The following CRTAP variants were observed in gnomAD, a reference collection of about 807,000 sequenced individuals.
The protein encoded by CRTAP is cartilage associated protein.
CRTAP carries 33 observed loss-of-function variants against 42.7 expected under a neutral mutation model. The ratio of observed to expected loss-of-function variants is 0.77; its 90% CI spans 0.59 to 1.03. The LOEUF (loss-of-function observed/expected upper bound fraction) is 1.03, where lower values mean the gene tolerates loss of function less well. Among genes scored for constraint, CRTAP ranks in the 50% least tolerant of loss-of-function variants. The probability of loss-of-function intolerance (pLI) is 0.00; values close to 1 mark genes in which losing one functional copy is unlikely to be tolerated. For synonymous variants in CRTAP, 243 were observed against 217.7 expected, an observed-to-expected ratio of 1.12 and a Z score of -1.02; for missense variants, 613 against 533.9, an observed-to-expected ratio of 1.15 and a Z score of -1.46.
At chr3:33,122,395 G>A (rs1032336002) in intron 2 of CRTAP, among the ~76,000 whole-genome samples, 7 of 151,982 alleles carry the variant, frequency 4.6e-5, no homozygotes, top group African/African-American at 1.4e-4. Context: ...AGGGCATGTG[G>A]CCTGCCCAGG....
intron 2 of CRTAP, 44 bp from the exon 3 acceptor site, chr3:33,124,364 T>G (rs1211739033): frequency 1.2e-6 from 2 of 1,612,290 alleles, no homozygotes; most frequent in Admixed American, 3.3e-5. Context: ...CTGTCTCCCT[T>G]CACGCCCAAG....
At chr3:33,139,993 C>T (rs1353913017) in intron 6 of CRTAP, among the ~76,000 whole-genome samples, 1 of 152,152 alleles carries the variant, frequency 6.6e-6, no homozygotes, top group Non-Finnish European at 1.5e-5. Flanking sequence ...AATAGCATAG[C>T]AGGGACTAAA....
chr3:33,124,587 GTAGGTCAA>G lies in CRTAP; in HGVS notation c.793+13_793+20del. The G allele has an allele frequency of 1.2e-6, 2 of 1,614,170 alleles. No individual in the cohort carries two copies. The highest frequency in any genetic ancestry group is 3.3e-5 in the Admixed American group (2 of 60,030). The stretch of plus-strand genomic sequence containing the variant: ...TCTACCTTTCCATAGCAGGTTGGTG[GTAGGTCAA>G]TAGGCTCACTACTCCCATGGAATAG... On this transcript the variant is annotated intron_variant, in intron 3 of 6. Coordinates refer to ENST00000320954, the MANE Select transcript of CRTAP (RefSeq NM_006371.5).
chr3:33,124,922 G>C (rs2030016641), intron 3 of CRTAP, among the ~76,000 whole-genome samples: 1 of 151,998 alleles, frequency 6.6e-6, no homozygotes, highest in Non-Finnish European at 1.5e-5. Context: ...TTTGATGATG[G>C]CAATTTTCCA....
intron 3 of CRTAP, among the ~76,000 whole-genome samples, chr3:33,126,322 G>C (rs2030071530): frequency 6.6e-6 from 1 of 152,112 alleles, no homozygotes; most frequent in Non-Finnish European, 1.5e-5. Context: ...TAATCCATAG[G>C]TTCTTCCGCC....
intron 5 of CRTAP, among the ~76,000 whole-genome samples, chr3:33,133,896 T>C (rs2030345287): frequency 6.6e-6 from 1 of 152,258 alleles, no homozygotes; most frequent in South Asian, 2.1e-4. Context: ...TGTATTTTCA[T>C]TGGGATTTCT....
chr3:33,123,223 G>A (rs2029939988), intron 2 of CRTAP, among the ~76,000 whole-genome samples: 1 of 152,182 alleles, frequency 6.6e-6, no homozygotes, highest in South Asian at 2.1e-4. Context: ...TGCATTGTCG[G>A]AGGAAGTGGG....
At chr3:33,138,871 G>C (rs563592466) in intron 6 of CRTAP, among the ~76,000 whole-genome samples, 2 of 152,078 alleles carry the variant, frequency 1.3e-5, no homozygotes, top group South Asian at 4.1e-4. Flanking sequence ...GGCTGGGTGT[G>C]GTGGCTCACA....
intron 3 of CRTAP, among the ~76,000 whole-genome samples, chr3:33,127,572 C>G (rs1326568127): frequency 6.8e-6 from 1 of 147,962 alleles, no homozygotes. Context: ...CTCAGCCTCC[C>G]GAGTAGCTGG....
At chr3:33,130,683 C>A in intron 4 of CRTAP, among the ~76,000 whole-genome samples, 1 of 151,810 alleles carries the variant, frequency 6.6e-6, no homozygotes, top group Non-Finnish European at 1.5e-5. Context: ...CAGGTGTGTG[C>A]CACCACGCCT....
At chr3:33,134,743 C>T (rs72857484) in intron 6 of CRTAP, among the ~76,000 whole-genome samples, 2,407 of 152,242 alleles carry the variant, frequency 0.016, 75 homozygotes, top group African/African-American at 0.054. Flanking sequence ...GACCCTGACT[C>T]AACTGGTTAT....
chr3:33,114,066 T>C lies in CRTAP; in HGVS notation c.-12T>C. On this transcript the variant is annotated 5_prime_UTR_variant, in exon 1 of 7. Coordinates refer to ENST00000320954, the MANE Select transcript of CRTAP (RefSeq NM_006371.5). Reference sequence around the variant, plus strand: ...TCCTTCGTCCCTTCCTTCCTTCCTTTCGCCGGGCGCGATGGAGCCGGGGCG... The same window carrying C: ...TCCTTCGTCCCTTCCTTCCTTCCTTCCGCCGGGCGCGATGGAGCCGGGGCG... The C allele has an allele frequency of 2.1e-6, 3 of 1,456,804 alleles. No individual in the cohort carries two copies. Among genetic ancestry groups the C allele is most frequent in the Middle Eastern group, 2.2e-4 (1 of 4,556 alleles). The allele number at this position is 1,456,804 out of a possible 1,614,324, so 90.2% of individuals were successfully genotyped here. A position where few individuals can be genotyped will look rare whatever the true frequency, so the allele number is the denominator to read the frequency against.
rs1176440670 is a variant in CRTAP, at chr3:33,124,509, C to T, written c.723C>T (p.Tyr241=). The T allele has an allele frequency of 5.6e-6, 9 of 1,614,218 alleles. No individual in the cohort carries two copies. Among genetic ancestry groups the T allele is most frequent in the Non-Finnish European group, 6.8e-6 (8 of 1,180,034 alleles). ...LALPDFFKAF[Y]ECLAACEGSR... is the part of the protein sequence containing the mutation. ...TTCCCGACTTCTTCAAAGCCTTTTACGAGTGTCTCGCAGCCTGCGAGGGTT... is the reference window on the plus strand; with the variant it reads ...TTCCCGACTTCTTCAAAGCCTTTTATGAGTGTCTCGCAGCCTGCGAGGGTT... The change falls in exon 3 of 7, where the codon TAC becomes TAT. Residue 241 remains tyrosine, a synonymous_variant. Transcript: ENST00000320954.
chr3:33,129,950 GA>G lies in CRTAP; in HGVS notation c.807del (p.Val270PhefsTer16). ...ATGTTTTGTTTCAGATCATTATGTA[GA>G]AGTTCTGGAATGCAAAATACAGTGT... ...FYLSIADHYV[E>X]VLECKIQCEE... On this transcript the variant is annotated frameshift_variant, in exon 4 of 7. Coordinates refer to ENST00000320954, the MANE Select transcript of CRTAP (RefSeq NM_006371.5). LOFTEE classifies it high-confidence loss of function. The G allele has an allele frequency of 1.2e-6, 2 of 1,613,340 alleles. No homozygotes were observed. The highest frequency in any genetic ancestry group is 1.7e-6 in the Non-Finnish European group (2 of 1,179,346).
At chr3:33,139,475 A>AT (rs554392214) in intron 6 of CRTAP, among the ~76,000 whole-genome samples, 15,985 of 139,136 alleles carry the variant, frequency 0.11, 1,032 homozygotes, top group African/African-American at 0.16. Flanking sequence ...AATTCGTTGA[A>AT]TTTTTTTTTT....
At chr3:33,127,741 C>T (rs2030121837) in intron 3 of CRTAP, among the ~76,000 whole-genome samples, 1 of 150,372 alleles carries the variant, frequency 6.7e-6, no homozygotes, top group Admixed American at 6.7e-5. Flanking sequence ...AGCCACCGCA[C>T]CCGGCCTATT....
intron 1 of CRTAP, among the ~76,000 whole-genome samples, chr3:33,119,321 A>G (rs759707060): frequency 6.6e-6 from 1 of 152,226 alleles, no homozygotes; most frequent in Non-Finnish European, 1.5e-5. Context: ...AATGACACAC[A>G]GCTGGGTCCC....
intron 6 of CRTAP, among the ~76,000 whole-genome samples, chr3:33,140,822 A>G (rs2030550131): frequency 6.6e-6 from 1 of 152,210 alleles, no homozygotes; most frequent in Non-Finnish European, 1.5e-5. Context: ...GGTCAGGGGA[A>G]GGAGCTCAAC....
intron 3 of CRTAP, 75 bp from the exon 4 acceptor site, chr3:33,129,864 A>G (rs952340977): frequency 6.8e-7 from 1 of 1,474,294 alleles, no homozygotes; most frequent in Non-Finnish European, 9.5e-7. Flanking sequence ...TAACTTTTTC[A>G]TTTGGGCAGG....
Sources: gnomAD v4.1 joint callset for allele counts (sites outside exome capture counted in the v4.1 genomes callset) on GRCh38, gnomAD v4.1.1 for gene constraint, MANE v1.5 for transcripts, NCBI Gene and HGNC (gene_info 2026-07-23, HGNC 2026-07-21) for gene names.